UBAP2: variants seen among roughly 807,000 people sequenced by gnomAD.
The protein encoded by UBAP2 is ubiquitin associated protein 2, also known as ubiquitin-associated protein 2.
A neutral mutation model predicts 139.6 loss-of-function variants in UBAP2; 75 were observed. That is an observed-to-expected ratio of 0.54 (90% confidence interval 0.45 to 0.65). The LOEUF (loss-of-function observed/expected upper bound fraction) is 0.65. UBAP2 is among the 30% of genes least tolerant of loss of function. The pLI, the probability that UBAP2 is intolerant of heterozygous loss-of-function variation, is 0.00. For missense variants in UBAP2, 1,368 were observed against 1,369.6 expected (o/e 1.00, Z 0.02); for synonymous variants, 526 against 526.2 (o/e 1.00, Z 0.01).
rs752432480 is a variant in UBAP2, at chr9:33,989,108, C to T, written c.307G>A (p.Gly103Arg). 6.2e-7 allele frequency: 1 copy of T among 1,612,728 alleles called. No homozygotes were observed. The highest frequency in any genetic ancestry group is 1.1e-5 in the South Asian group (1 of 90,848). Residue 103 changes from glycine (G) to arginine (R), a missense_variant, in exon 5 of 29, where the codon GGG becomes AGG. Coordinates refer to ENST00000379238, the MANE Select transcript of UBAP2 (RefSeq NM_001370062.2). ...NSDTTSWETV[G>R]CKKKNFAKEN... is the part of the protein sequence containing the mutation. ...TTTGCAAAATTCTTTTTCTTACACCCTACAGTCTCCCATGAAGTCTATCAG... is the reference window on the plus strand; with the variant it reads ...TTTGCAAAATTCTTTTTCTTACACCTTACAGTCTCCCATGAAGTCTATCAG...
At chr9:33,929,479 A>G (rs72727332) in intron 19 of UBAP2, among the ~76,000 whole-genome samples, 12,476 of 152,310 alleles carry the variant, frequency 0.082, 734 homozygotes, top group Non-Finnish European at 0.12. Context: ...TCCCCAGGAC[A>G]GGCCCAGAGA....
At chr9:34,038,092 G>A (rs971115816) in intron 1 of UBAP2, among the ~76,000 whole-genome samples, 10 of 148,956 alleles carry the variant, frequency 6.7e-5, no homozygotes, top group Non-Finnish European at 1.2e-4. Context: ...CTGAGCACGG[G>A]GAGTTCAAGG....
At chr9:34,029,995 A>G (rs957178437) in intron 1 of UBAP2, among the ~76,000 whole-genome samples, 2 of 150,776 alleles carry the variant, frequency 1.3e-5, no homozygotes, top group African/African-American at 4.9e-5. Flanking sequence ...TCGAAAAAAA[A>G]AAAAAGAAAG....
intron 2 of UBAP2, among the ~76,000 whole-genome samples, chr9:34,004,786 A>G (rs1187571852): frequency 1.4e-4 from 18 of 125,554 alleles, no homozygotes; most frequent in South Asian, 4.7e-4. Flanking sequence ...TCTGTCTCCA[A>G]AAAAAAAAAT....
intron 1 of UBAP2, among the ~76,000 whole-genome samples, chr9:34,047,904 A>C (rs1188316580): frequency 6.6e-6 from 1 of 152,244 alleles, no homozygotes; most frequent in Non-Finnish European, 1.5e-5. Context: ...GGCAAACCAT[A>C]TACCTTCCTT....
At chr9:34,009,857 G>A (rs1441938778) in intron 2 of UBAP2, among the ~76,000 whole-genome samples, 1 of 149,522 alleles carries the variant, frequency 6.7e-6, no homozygotes, top group Non-Finnish European at 1.5e-5. Flanking sequence ...GTGCAGGCTG[G>A]AGTACAATGG....
intron 10 of UBAP2, among the ~76,000 whole-genome samples, chr9:33,960,237 T>C (rs1826933481): frequency 6.6e-6 from 1 of 152,076 alleles, no homozygotes; most frequent in Non-Finnish European, 1.5e-5. Flanking sequence ...GCCTAACACC[T>C]CAACCTTTTT....
intron 6 of UBAP2, among the ~76,000 whole-genome samples, chr9:33,975,449 A>AAAAC (rs1828250796): frequency 6.8e-6 from 1 of 146,506 alleles, no homozygotes. Flanking sequence ...AAAAAACAAA[A>AAAAC]AAAAAACCAA....
chr9:34,016,364 C>CGGT (rs1564064359), intron 2 of UBAP2, among the ~76,000 whole-genome samples: 26 of 39,636 alleles, frequency 6.6e-4, no homozygotes, highest in African/African-American at 2.1e-3. Context: ...GCAGCGGCGG[C>CGGT]AGCGGCGGTG....
At chr9:33,984,186 G>A (rs1010045800) in intron 6 of UBAP2, among the ~76,000 whole-genome samples, 4 of 151,568 alleles carry the variant, frequency 2.6e-5, no homozygotes, top group Non-Finnish European at 5.9e-5. Flanking sequence ...TTACAGGTAT[G>A]AGCCACCACA....
chr9:34,020,311 A>T (rs1824817654), intron 1 of UBAP2, among the ~76,000 whole-genome samples: 1 of 151,530 alleles, frequency 6.6e-6, no homozygotes, highest in South Asian at 2.1e-4. Context: ...AATGATAACA[A>T]TGCAGAGCCA....
chr9:33,969,974 G>A (rs534696469), intron 8 of UBAP2, among the ~76,000 whole-genome samples: 2 of 118,334 alleles, frequency 1.7e-5, no homozygotes, highest in Admixed American at 2.1e-4. Flanking sequence ...CTGTCACCCA[G>A]GCTAAAGTGC....
chr9:33,999,837 G>A (rs915372372), intron 2 of UBAP2, among the ~76,000 whole-genome samples: 1 of 151,348 alleles, frequency 6.6e-6, no homozygotes, highest in Admixed American at 6.6e-5. Flanking sequence ...AGCCTCCAGA[G>A]TAGCTGGGAT....
chr9:33,935,765 C>T (rs775873793), intron 17 of UBAP2, 74 bp downstream of exon 17: 1 of 1,569,978 alleles, frequency 6.4e-7, no homozygotes, highest in Non-Finnish European at 8.8e-7. Flanking sequence ...GTGTTTTCCA[C>T]ATCACGTGAG....
In UBAP2 at chr9:33,933,465, C is replaced by G. The variant is rs184242747; in HGVS notation, c.2108+25G>C. The G allele has an allele frequency of 1.4e-5, 22 of 1,611,606 alleles. No homozygotes were observed. The East Asian group carries it at 4.9e-4, about 36-fold the overall frequency. The stretch of plus-strand genomic sequence containing the variant: ...AGGACTTGCCCCAAGGTACTTCTCA[C>G]TTTGGGCCCACACCTTCCCCATACC... On this transcript the variant is annotated intron_variant, in intron 18 of 28. Coordinates refer to ENST00000379238, the MANE Select transcript of UBAP2 (RefSeq NM_001370062.2).
At chr9:34,010,080 T>C (rs556500158) in intron 2 of UBAP2, among the ~76,000 whole-genome samples, 2 of 144,894 alleles carry the variant, frequency 1.4e-5, no homozygotes, top group South Asian at 4.4e-4. Flanking sequence ...GTGCTGGGAT[T>C]ACAGGCATGA....
intron 6 of UBAP2, among the ~76,000 whole-genome samples, chr9:33,979,793 C>T (rs952623650): frequency 1.3e-5 from 2 of 149,124 alleles, no homozygotes; most frequent in Non-Finnish European, 3.0e-5. Flanking sequence ...GCTTGAACCC[C>T]GGAGGCGGAG....
chr9:33,933,547 G>A lies in UBAP2; in HGVS notation c.2051C>T (p.Pro684Leu), dbSNP rs763115762. Reference protein sequence around the residue: ...PSTTSCTALLPSTSQHTGDLT... With the variant: ...PSTTSCTALLLSTSQHTGDLT... ...GTCGCCAGTGTGCTGGGATGTGGACGGCAGAAGTGCAGTGCAGGAGGTGGT... is the reference window on the plus strand; with the variant it reads ...GTCGCCAGTGTGCTGGGATGTGGACAGCAGAAGTGCAGTGCAGGAGGTGGT... Residue 684 changes from proline to leucine, a missense_variant, in exon 18 of 29, where the codon CCG (proline) becomes CTG (leucine). Physicochemically the swap from Pro to Leu is moderately conservative, Grantham distance 98. Coordinates refer to ENST00000379238, the MANE Select transcript of UBAP2 (RefSeq NM_001370062.2). 11 of 1,613,938 alleles carry A rather than the reference G, an allele frequency of 6.8e-6. No individual in the cohort carries two copies. Among genetic ancestry groups the A allele is most frequent in the African/African-American group, 2.7e-5 (2 of 74,934 alleles).
intron 21 of UBAP2, 34 bp from the exon 22 acceptor site, chr9:33,926,698 C>G: frequency 6.2e-7 from 1 of 1,612,730 alleles, no homozygotes; most frequent in Non-Finnish European, 8.5e-7. Context: ...TTTTAGGAAC[C>G]ACATACCACA....
Sources: gnomAD v4.1 joint callset for allele counts (sites outside exome capture counted in the v4.1 genomes callset) on GRCh38, gnomAD v4.1.1 for gene constraint, MANE v1.5 for transcripts, NCBI Gene and HGNC (gene_info 2026-07-23, HGNC 2026-07-21) for gene names.